CARMIL3: variants seen among roughly 807,000 people sequenced by gnomAD.
CARMIL3 encodes capping protein regulator and myosin 1 linker 3.
In CARMIL3, 88 loss-of-function variants were observed where a neutral mutation model predicts 180.8. That is an observed-to-expected ratio of 0.49 (90% CI 0.41 to 0.58). The LOEUF is 0.58. Ranked by LOEUF, CARMIL3 falls within the 20% of genes least tolerant of loss-of-function variation. CARMIL3 has a pLI of 0.00. For synonymous variants in CARMIL3, 696 were observed against 714.5 expected, an observed-to-expected ratio of 0.97 and a Z score of 0.41; for missense variants, 1,548 against 1,787.0, an observed-to-expected ratio of 0.87 and a Z score of 2.41.
In CARMIL3 at chr14:24,055,560, T is replaced by C; in HGVS notation, c.623T>C (p.Val208Ala). The change falls in exon 9 of 40, where the codon GTA becomes GCA. Residue 208 changes from valine to alanine, a missense_variant. Coordinates refer to ENST00000342740, the MANE Select transcript of CARMIL3 (RefSeq NM_138360.4). ...CCCCACAGAGACTTGGCCCTAATGG[T>C]AGCAGCCCTGGCCTACAACCAGTGG... ...HLESRDLALM[V>A]AALAYNQWFT... The C allele has an allele frequency of 6.2e-7, 1 of 1,614,038 alleles. No homozygotes were observed. Among genetic ancestry groups the C allele is most frequent in the Non-Finnish European group, 8.5e-7 (1 of 1,179,998 alleles).
chr14:24,065,865 TAGA>T lies in CARMIL3; in HGVS notation c.3525+119_3525+121del, dbSNP rs895479112. 1.2e-5 allele frequency: 17 copies of T among 1,422,592 alleles called. No individual in the cohort carries two copies. In the African/African-American group the frequency reaches 2.4e-4, roughly 20 times the overall value. 88.1% of individuals were successfully genotyped at this position (1,422,592 alleles called of 1,614,324 possible). ...GTAGAGAAAGCAGATGCTTTGGCAT[TAGA>T]AGATGTTAGCTGCTCTTCAGCCCCC... On this transcript the variant is annotated intron_variant, in intron 34 of 39. Transcript: ENST00000342740.
In CARMIL3 at chr14:24,052,182, G is replaced by A; in HGVS notation, c.29G>A (p.Arg10His). 2 of 1,593,324 alleles carry A rather than the reference G, an allele frequency of 1.3e-6. No individual in the cohort carries two copies. The highest frequency in any genetic ancestry group is 1.7e-4 in the Middle Eastern group (1 of 6,020). Residue 10 changes from arginine (R) to histidine (H), a missense_variant, in exon 1 of 40, where the codon CGC becomes CAC. Physicochemically the swap from Arg to His is conservative, Grantham distance 29 (BLOSUM62 0). Around this residue, in one of 4 missense-constraint regions of CARMIL3, gnomAD observed 578 missense variants for 666.5 expected, o/e 0.87. Coordinates refer to ENST00000342740, the MANE Select transcript of CARMIL3 (RefSeq NM_138360.4). MAKPSVELTRELQDSIRRCL... is the reference protein window; with the variant it reads MAKPSVELTHELQDSIRRCL... ...GCCAAGCCCAGCGTGGAGCTCACCC[G>A]CGAGTTGCAAGGTACGAGGCTGCCT...
rs761097749 is a variant in CARMIL3, at chr14:24,062,755, G to T, written c.2615G>T (p.Cys872Phe). ...QLRTLSDPPG[C>F]PGQGQDLSSR... is the part of the protein sequence containing the mutation. ...AGGACGCTGTCAGATCCACCAGGGT[G>T]CCCAGGCCAAGGGCAGGATCTGTCC... is the stretch of plus-strand genomic sequence containing the variant. Residue 872 changes from cysteine to phenylalanine, a missense_variant, in exon 29 of 40, where the codon TGC becomes TTC. Around this residue, in one of 4 missense-constraint regions of CARMIL3, gnomAD observed 668 missense variants for 687.8 expected, o/e 0.97. Transcript: ENST00000342740. The T allele has an allele frequency of 6.2e-7, 1 of 1,613,410 alleles. No homozygotes were observed. Among genetic ancestry groups the T allele is most frequent in the East Asian group, 2.2e-5 (1 of 44,888 alleles).
rs2035814401 is a variant in CARMIL3 at position 24,068,460 on chromosome 14, T to C, written c.3683-124T>C. On this transcript the variant is annotated intron_variant, in intron 36 of 39. Coordinates refer to ENST00000342740, the MANE Select transcript of CARMIL3 (RefSeq NM_138360.4). ...AAAAGGCACATGAAAGGCAGAGACATAGGAGCAAGTGGGCTTGGAGGGAGA... is the reference window on the plus strand; with the variant it reads ...AAAAGGCACATGAAAGGCAGAGACACAGGAGCAAGTGGGCTTGGAGGGAGA... 4.4e-6 allele frequency: 3 copies of C among 679,208 alleles called. No homozygotes were observed. The South Asian group carries it at 6.6e-5, about 15-fold the overall frequency. 42.1% of individuals were successfully genotyped at this position (679,208 alleles called of 1,614,324 possible).
chr14:24,057,797 C>T lies in CARMIL3; in HGVS notation c.1141-6C>T, dbSNP rs1479651335. Reference sequence around the variant, plus strand: ...CCCCTGAGACCCACCATATCTCCCCCCACAGCTTCTCGGTGCCCTGCTCCA... The same window carrying T: ...CCCCTGAGACCCACCATATCTCCCCTCACAGCTTCTCGGTGCCCTGCTCCA... On this transcript the variant is annotated splice_polypyrimidine_tract_variant and splice_region_variant and intron_variant, in intron 14 of 39. Transcript: ENST00000342740. The T allele has an allele frequency of 2.5e-6, 4 of 1,607,870 alleles. No homozygotes were observed. Among genetic ancestry groups the T allele is most frequent in the Non-Finnish European group, 3.4e-6 (4 of 1,179,312 alleles).
chr14:24,065,131 C>T lies in CARMIL3; in HGVS notation c.3254C>T (p.Pro1085Leu), dbSNP rs765445371. 231 of 1,459,962 alleles carry T rather than the reference C, an allele frequency of 1.6e-4. No homozygotes were observed. The highest frequency in any genetic ancestry group is 2.0e-4 in the Non-Finnish European group (219 of 1,105,516). The allele number at this position is 1,459,962 out of a possible 1,614,324, so 90.4% of individuals were successfully genotyped here. A position where few individuals can be genotyped will look rare whatever the true frequency, so the allele number is the denominator to read the frequency against. Residue 1085 changes from proline to leucine, a missense_variant, in exon 33 of 40, where the codon CCT becomes CTT. Physicochemically the swap from Pro to Leu is moderately conservative, Grantham distance 98. Around this residue, in one of 4 missense-constraint regions of CARMIL3, gnomAD observed 668 missense variants for 687.8 expected, o/e 0.97. Coordinates refer to ENST00000342740, the MANE Select transcript of CARMIL3 (RefSeq NM_138360.4). Reference protein sequence around the residue: ...TGLLLPPPPPPPPTQESPPSP... With the variant: ...TGLLLPPPPPLPPTQESPPSP... Reference sequence around the variant, plus strand: ...CTCCTCCTCCCTCCACCCCCACCCCCTCCCCCGACTCAGGAGAGCCCCCCT... The same window carrying T: ...CTCCTCCTCCCTCCACCCCCACCCCTTCCCCCGACTCAGGAGAGCCCCCCT...
chr14:24,053,718 G>C lies in CARMIL3; in HGVS notation c.50G>C (p.Arg17Pro). The change falls in exon 2 of 40, where the codon CGG becomes CCG. Residue 17 changes from arginine (R) to proline (P), a missense_variant. Arg to Pro is a moderately radical substitution (Grantham distance 103). This residue lies in a region of CARMIL3 where 578 missense variants were observed against 666.5 expected (regional missense o/e 0.87). Coordinates refer to ENST00000342740, the MANE Select transcript of CARMIL3 (RefSeq NM_138360.4). ...TCCCACCCCCCCTCAGACAGCATCC[G>C]GAGGTGCCTGAGCCAAGGGGCCGTG... ...ELTRELQDSI[R>P]RCLSQGAVLQ... 1 of 1,611,322 alleles carries C rather than the reference G, an allele frequency of 6.2e-7. No individual in the cohort carries two copies. Among genetic ancestry groups the C allele is most frequent in the Non-Finnish European group, 8.5e-7 (1 of 1,178,446 alleles).
Position 24,060,031 on chromosome 14 carries a change from G to C in CARMIL3, c.1930G>C (p.Ala644Pro). The C allele has an allele frequency of 6.2e-7, 1 of 1,613,970 alleles. No individual in the cohort carries two copies. Among genetic ancestry groups the C allele is most frequent in the Non-Finnish European group, 8.5e-7 (1 of 1,180,028 alleles). The change falls in exon 23 of 40, where the codon GCG (alanine) becomes CCG (proline). Residue 644 changes from alanine (A) to proline (P), a missense_variant. By Grantham distance (27) the Ala-to-Pro change is conservative. Coordinates refer to ENST00000342740, the MANE Select transcript of CARMIL3 (RefSeq NM_138360.4). ...VSDISQAYRS[A>P]PERTEDVWQK... Reference sequence around the variant, plus strand: ...CGACATCTCCCAAGCCTATCGCAGCGCGCCTGAGCGCACCGAGGACGTCTG... The same window carrying C: ...CGACATCTCCCAAGCCTATCGCAGCCCGCCTGAGCGCACCGAGGACGTCTG...
rs2035790775 is a variant in CARMIL3 at position 24,066,721 on chromosome 14, C to T, written c.3682+65C>T. 7.1e-6 allele frequency: 11 copies of T among 1,540,456 alleles called. No individual in the cohort carries two copies. The Middle Eastern group carries it at 6.8e-4, about 95-fold the overall frequency. On this transcript the variant is annotated intron_variant, in intron 36 of 39. Coordinates refer to ENST00000342740, the MANE Select transcript of CARMIL3 (RefSeq NM_138360.4). ...CAGGGTGTGTCCAAAGAAACAGAAG[C>T]CCATGGCCCCTGTGCTGGGGAATTT...
In CARMIL3 at chr14:24,053,701, C is replaced by A. The variant is rs750574999; in HGVS notation, c.41-8C>A. 1.1e-5 allele frequency: 18 copies of A among 1,602,662 alleles called. No homozygotes were observed. In the Admixed American group the frequency reaches 1.5e-4, roughly 14 times the overall value. On this transcript the variant is annotated splice_region_variant and splice_polypyrimidine_tract_variant and intron_variant, in intron 1 of 39. Coordinates refer to ENST00000342740, the MANE Select transcript of CARMIL3 (RefSeq NM_138360.4). Reference sequence around the variant, plus strand: ...TGAAGCTCTGAGCAGGCTCCCACCCCCCCTCAGACAGCATCCGGAGGTGCC... The same window carrying A: ...TGAAGCTCTGAGCAGGCTCCCACCCACCCTCAGACAGCATCCGGAGGTGCC...
rs773149775 is a variant in CARMIL3, at chr14:24,061,220, C to T, written c.2304+180C>T. 203 of 655,534 alleles carry T rather than the reference C, an allele frequency of 3.1e-4. No homozygotes were observed. Among genetic ancestry groups the T allele is most frequent in the Non-Finnish European group, 4.8e-4 (184 of 386,440 alleles). 40.6% of individuals were successfully genotyped at this position (655,534 alleles called of 1,614,324 possible). ...TGCAATATCAGGCTTGGATTTTTTTCTGCTAGCTTTGATGTTGGTCCCTGA... is the reference window on the plus strand; with the variant it reads ...TGCAATATCAGGCTTGGATTTTTTTTTGCTAGCTTTGATGTTGGTCCCTGA... On this transcript the variant is annotated intron_variant, in intron 26 of 39. Coordinates refer to ENST00000342740, the MANE Select transcript of CARMIL3 (RefSeq NM_138360.4). The surrounding 1 kb of genome is among the most constrained non-coding windows in gnomAD (Gnocchi z 4.1).
rs144839309 is a variant in CARMIL3, at chr14:24,057,232, C to T, written c.1128C>T (p.Cys376=). The T allele has an allele frequency of 4.4e-4, 706 of 1,613,754 alleles. No homozygotes were observed. Among genetic ancestry groups the T allele is most frequent in the Non-Finnish European group, 5.4e-4 (635 of 1,179,870 alleles). The change falls in exon 14 of 40, where the codon TGC becomes TGT. Residue 376 remains cysteine, a synonymous_variant. Coordinates refer to ENST00000342740, the MANE Select transcript of CARMIL3 (RefSeq NM_138360.4). ...ACCTGGACCTGTCAGGAACTGACTGCGTCATCGACTTGGTGAGGAGTTGGT... is the reference window on the plus strand; with the variant it reads ...ACCTGGACCTGTCAGGAACTGACTGTGTCATCGACTTGGTGAGGAGTTGGT... The part of the protein sequence containing the change: ...LVHLDLSGTD[C]VIDLLLGALL...
Position 24,069,241 on chromosome 14 carries a change from C to T in CARMIL3, c.4087C>T (p.Pro1363Ser). ...ACCTGATAGAAGACGGCCTCCTGAC[C>T]CCACAGGTGCTGGTGGTGAGAGGGC... is the stretch of plus-strand genomic sequence containing the variant. ...LEPDRRRPPD[P>S]TGTSEPGTD The change falls in exon 39 of 40, where the codon CCC (proline) becomes TCC (serine). Residue 1363 changes from proline to serine, a missense_variant. Physicochemically the swap from Pro to Ser is moderately conservative, Grantham distance 74 (BLOSUM62 -1). Coordinates refer to ENST00000342740, the MANE Select transcript of CARMIL3 (RefSeq NM_138360.4). The T allele has an allele frequency of 6.2e-7, 1 of 1,614,094 alleles. No individual in the cohort carries two copies. Among genetic ancestry groups the T allele is most frequent in the Non-Finnish European group, 8.5e-7 (1 of 1,179,998 alleles).
In CARMIL3 at chr14:24,055,711, T is replaced by C. The variant is rs1464317626; in HGVS notation, c.692T>C (p.Val231Ala). 2 of 1,613,922 alleles carry C rather than the reference T, an allele frequency of 1.2e-6. No homozygotes were observed. Among genetic ancestry groups the C allele is most frequent in the African/African-American group, 2.7e-5 (2 of 74,854 alleles). ...CCCCTCTGTCCTCAGGGCTCTGAAG[T>C]GCTAGAACAGGTGCTACATACCCTA... ...YCKDLRLGSE[V>A]LEQVLHTLSK... The change falls in exon 10 of 40, where the codon GTG (valine) becomes GCG (alanine). Residue 231 changes from valine to alanine, a missense_variant. By Grantham distance (64) the Val-to-Ala change is moderately conservative. Transcript: ENST00000342740.
chr14:24,062,839 C>G lies in CARMIL3; in HGVS notation c.2699C>G (p.Thr900Ser), dbSNP rs1306260697. 1.2e-6 allele frequency: 2 copies of G among 1,607,278 alleles called. No individual in the cohort carries two copies. Among genetic ancestry groups the G allele is most frequent in the Non-Finnish European group, 8.5e-7 (1 of 1,177,126 alleles). Residue 900 changes from threonine to serine, a missense_variant, in exon 29 of 40, where the codon ACC (threonine) becomes AGC (serine). By Grantham distance (58) the Thr-to-Ser change is moderately conservative (BLOSUM62 1). This residue lies in a region of CARMIL3 where 668 missense variants were observed against 687.8 expected (regional missense o/e 0.97). Coordinates refer to ENST00000342740, the MANE Select transcript of CARMIL3 (RefSeq NM_138360.4). ...HEETTDDELG[T>S]NIDTMAIKKQ... ...GAGACCACAGATGATGAACTTGGGACCAACATTGTGAGCCCCCCGCTCCCT... is the reference window on the plus strand; with the variant it reads ...GAGACCACAGATGATGAACTTGGGAGCAACATTGTGAGCCCCCCGCTCCCT...
chr14:24,052,292 C>T (rs535172805), intron 1 of CARMIL3, 99 bp downstream of exon 1: 6 of 1,227,516 alleles, frequency 4.9e-6, no homozygotes, highest in South Asian at 3.0e-5. Context: ...GTCTCACACC[C>T]CTCACCCCAT....
chr14:24,061,049 T>G lies in CARMIL3; in HGVS notation c.2304+9T>G, dbSNP rs970012734. ...TGGACAAGGAGCTGCAGGCAAGTCC[T>G]GGAGGAGGGAGGAATCCATGGTGGG... On this transcript the variant is annotated intron_variant, in intron 26 of 39. Transcript: ENST00000342740. This position sits in a 1 kb window ranked among gnomAD's most constrained non-coding sequence, Gnocchi z 4.1. 3.2e-6 allele frequency: 5 copies of G among 1,550,332 alleles called. No homozygotes were observed. The highest frequency in any genetic ancestry group is 2.0e-5 in the Admixed American group (1 of 50,974).
chr14:24,059,669 T>G lies in CARMIL3; in HGVS notation c.1805T>G (p.Ile602Ser). Reference protein sequence around the residue: ...ALQINSSLRTILWDRNNTSAL... With the variant: ...ALQINSSLRTSLWDRNNTSAL... Reference sequence around the variant, plus strand: ...GGTGCTTACCCTCCCCCCAGAACTATCCTATGGGATCGGAACAATACATCT... The same window carrying G: ...GGTGCTTACCCTCCCCCCAGAACTAGCCTATGGGATCGGAACAATACATCT... The change falls in exon 22 of 40, where the codon ATC becomes AGC. Residue 602 changes from isoleucine (I) to serine (S), a missense_variant. Ile to Ser is a moderately radical substitution (Grantham distance 142). Transcript: ENST00000342740. The surrounding 1 kb of genome is among the most constrained non-coding windows in gnomAD (Gnocchi z 6.3). 1 of 1,613,784 alleles carries G rather than the reference T, an allele frequency of 6.2e-7. No homozygotes were observed. The highest frequency in any genetic ancestry group is 8.5e-7 in the Non-Finnish European group (1 of 1,179,920).
intron 34 of CARMIL3, 21 bp downstream of exon 34, chr14:24,065,771 C>T (rs1169380356): frequency 6.2e-7 from 1 of 1,612,728 alleles, no homozygotes; most frequent in East Asian, 2.2e-5. Context: ...CCTGGGACAA[C>T]AAACTGTGGG....
Sources: gnomAD v4.1 joint callset for allele counts on GRCh38, gnomAD v4.1.1 for gene constraint, gnomAD v4.1.1 regional missense constraint, Gnocchi (gnomAD v3.1) non-coding constraint, MANE v1.5 for transcripts, NCBI Gene and HGNC (gene_info 2026-07-23, HGNC 2026-07-21) for gene names.